The following EGFLAM variants were observed in gnomAD, a reference collection of about 807,000 sequenced individuals.
The protein encoded by EGFLAM is EGF like, fibronectin type III and laminin G domains.
In EGFLAM, 79 loss-of-function variants were observed where a neutral mutation model predicts 113.1. The ratio of observed to expected loss-of-function variants is 0.70; its 90% CI spans 0.58 to 0.84. The LOEUF (loss-of-function observed/expected upper bound fraction) is 0.84, where lower values mean the gene tolerates loss of function less well. Among genes scored for constraint, EGFLAM ranks in the 40% least tolerant of loss-of-function variants. The pLI, the probability that EGFLAM is intolerant of heterozygous loss-of-function variation, is 0.00. For synonymous variants in EGFLAM, 504 were observed against 487.6 expected (o/e 1.03, Z -0.44); for missense variants, 1,265 against 1,291.6 (o/e 0.98, Z 0.32).
At chr5:38,412,468 G>T (rs764958957) in intron 10 of EGFLAM, 36 bp from the exon 11 acceptor site, 1 of 1,613,748 alleles carries the variant, frequency 6.2e-7, no homozygotes, top group Non-Finnish European at 8.5e-7. Context: ...GGCCTGGTTC[G>T]TCAAGAAATC....
At chr5:38,370,616 T>C (rs943029430) in intron 6 of EGFLAM, among the ~76,000 whole-genome samples, 154 bp downstream of exon 6, 3 of 152,146 alleles carry the variant, frequency 2.0e-5, no homozygotes, top group African/African-American at 7.2e-5. Context: ...CCTTTGGAAG[T>C]TAGAGGCTGT....
intron 3 of EGFLAM, among the ~76,000 whole-genome samples, chr5:38,339,803 C>G (rs1011262395): frequency 2.0e-5 from 3 of 152,220 alleles, no homozygotes; most frequent in Non-Finnish European, 4.4e-5. Context: ...AATAGATGCA[C>G]ATTTCCAGCT....
At chr5:38,447,036 A>G (rs1456832553) in intron 17 of EGFLAM, among the ~76,000 whole-genome samples, 1 of 152,076 alleles carries the variant, frequency 6.6e-6, no homozygotes, top group African/African-American at 2.4e-5. Flanking sequence ...TTTGAATTTG[A>G]GATTTATTCT....
chr5:38,382,003 G>A (rs530314877), intron 6 of EGFLAM, among the ~76,000 whole-genome samples: 6 of 152,198 alleles, frequency 3.9e-5, no homozygotes, highest in African/African-American at 9.7e-5. Flanking sequence ...CAGAAAAGTC[G>A]AAGGAGATGA....
At chr5:38,363,322 G>A (rs894429837) in intron 5 of EGFLAM, among the ~76,000 whole-genome samples, 5 of 152,130 alleles carry the variant, frequency 3.3e-5, no homozygotes, top group East Asian at 1.9e-4. Context: ...TGTTTAACTG[G>A]CAGTCCATAG....
intron 11 of EGFLAM, 29 bp from the exon 12 acceptor site, chr5:38,418,037 G>A (rs750515900): frequency 2.5e-6 from 4 of 1,587,948 alleles, no homozygotes; most frequent in South Asian, 1.1e-5. Context: ...TTTAGTGAGA[G>A]TATTCATGAG....
intron 16 of EGFLAM, among the ~76,000 whole-genome samples, chr5:38,436,552 G>A (rs559722060): frequency 1.2e-3 from 181 of 152,280 alleles, no homozygotes; most frequent in Middle Eastern, 6.8e-3. Flanking sequence ...CTATGAGTGG[G>A]ATTGGCCATG....
At chr5:38,329,326 TAAATAAATA>T (rs1561280470) in intron 1 of EGFLAM, among the ~76,000 whole-genome samples, 2 of 136,542 alleles carry the variant, frequency 1.5e-5, no homozygotes, top group South Asian at 2.3e-4. Context: ...AATAAATAAA[TAAATAAATA>T]AATTTTAAAA....
intron 12 of EGFLAM, among the ~76,000 whole-genome samples, chr5:38,424,008 C>T (rs988609546): frequency 6.6e-6 from 1 of 152,144 alleles, no homozygotes; most frequent in Non-Finnish European, 1.5e-5. Flanking sequence ...CAGAGGGCAG[C>T]CTTGAAGACT....
At chr5:38,365,680 A>G (rs1001592363) in intron 5 of EGFLAM, among the ~76,000 whole-genome samples, 12 of 152,170 alleles carry the variant, frequency 7.9e-5, no homozygotes, top group Admixed American at 1.3e-4. Context: ...AAAGGAGAGA[A>G]AGAAAGGAGA....
rs112517977 is a variant in EGFLAM, at chr5:38,265,836, G to A, written c.97+6985G>A. 3.2e-3 allele frequency among the ~76,000 whole-genome samples: 488 copies of A among 152,312 alleles called. 6 individuals are homozygous for A. The highest frequency in any genetic ancestry group is 0.011 in the African/African-American group (460 of 41,568). On this transcript the variant is annotated intron_variant, in intron 1 of 21. Transcript: ENST00000322350. ...TCTGAATTTTTAGAGTGCAATCCAGGCACCTGCCTTTTTAAACAAGAACCT... is the reference window on the plus strand; with the variant it reads ...TCTGAATTTTTAGAGTGCAATCCAGACACCTGCCTTTTTAAACAAGAACCT...
At chr5:38,266,059 T>G (rs1272838862) in intron 1 of EGFLAM, among the ~76,000 whole-genome samples, 2 of 152,232 alleles carry the variant, frequency 1.3e-5, no homozygotes, top group African/African-American at 4.8e-5. Context: ...AACCCTGTCC[T>G]TAGACTCTAA....
chr5:38,312,914 C>T (rs1738493907), intron 1 of EGFLAM, among the ~76,000 whole-genome samples: 2 of 152,008 alleles, frequency 1.3e-5, no homozygotes, highest in South Asian at 2.1e-4. Flanking sequence ...ATGGTAAAAA[C>T]CCCTCTGTAG....
At chr5:38,335,997 T>A (rs536474781) in intron 1 of EGFLAM, among the ~76,000 whole-genome samples, 1 of 152,314 alleles carries the variant, frequency 6.6e-6, no homozygotes, top group South Asian at 2.1e-4. Flanking sequence ...CCATTACTCG[T>A]TTCTGTACTC....
At chr5:38,428,750 A>G (rs1421357988) in intron 14 of EGFLAM, among the ~76,000 whole-genome samples, 2 of 152,228 alleles carry the variant, frequency 1.3e-5, no homozygotes, top group Non-Finnish European at 2.9e-5. Flanking sequence ...TTAGAAGTCC[A>G]GCATTTCTCT....
At chr5:38,434,183 C>T (rs1270757651) in intron 15 of EGFLAM, among the ~76,000 whole-genome samples, 1 of 152,206 alleles carries the variant, frequency 6.6e-6, no homozygotes, top group African/African-American at 2.4e-5. Context: ...CTTATACTCA[C>T]ATTCCCTCTA....
chr5:38,411,385 A>G (rs13355096), intron 10 of EGFLAM, among the ~76,000 whole-genome samples: 49,341 of 151,760 alleles, frequency 0.33, 10,582 homozygotes, highest in African/African-American at 0.61. Flanking sequence ...CAGAGATCAC[A>G]CCACTGGACT....
chr5:38,318,401 CTAGATAGCTAGATAGTATAG>C (rs1738656256), intron 1 of EGFLAM, among the ~76,000 whole-genome samples: 1 of 150,126 alleles, frequency 6.7e-6, no homozygotes, highest in South Asian at 2.1e-4. Flanking sequence ...ATATATATAA[CTAGATAGCTAGATAGTATAG>C]TATATGCTAT....
chr5:38,425,346 T>C (rs1741966939), intron 13 of EGFLAM, among the ~76,000 whole-genome samples: 1 of 152,126 alleles, frequency 6.6e-6, no homozygotes, highest in African/African-American at 2.4e-5. Flanking sequence ...TTTGTATTTT[T>C]AGTAGAGATG....
Sources: gnomAD v4.1 joint callset for allele counts (sites outside exome capture counted in the v4.1 genomes callset) on GRCh38, gnomAD v4.1.1 for gene constraint, MANE v1.5 for transcripts, NCBI Gene and HGNC (gene_info 2026-07-23, HGNC 2026-07-21) for gene names.